The following PTPRT variants were observed in gnomAD, a reference collection of about 807,000 sequenced individuals.
The protein encoded by PTPRT is protein tyrosine phosphatase receptor type T.
Under a neutral mutation model 176.8 loss-of-function variants are expected in PTPRT, and 56 were observed. The observed-to-expected ratio is 0.32, with a 90% CI of 0.26 to 0.40. The LOEUF (loss-of-function observed/expected upper bound fraction) is 0.40, where lower values mean the gene tolerates loss of function less well. Ranked by LOEUF, PTPRT falls within the 10% of genes least tolerant of loss-of-function variation. The pLI is 1.00. For missense variants in PTPRT, 1,540 were observed against 1,908.2 expected (o/e 0.81, Z 3.60); for synonymous variants, 783 against 739.0 (o/e 1.06, Z -0.96).
At chr20:42,936,470 A>C (rs1000344064) in intron 1 of PTPRT, among the ~76,000 whole-genome samples, 14 of 152,338 alleles carry the variant, frequency 9.2e-5, no homozygotes, top group African/African-American at 3.4e-4. Flanking sequence ...AGCATTTGTA[A>C]GGACTTTGTT....
chr20:42,687,572 T>C (rs1023049965), intron 6 of PTPRT: 1 of 152,186 alleles, frequency 6.6e-6, no homozygotes, highest in African/African-American at 2.4e-5. Flanking sequence ...TCAGAAAGCA[T>C]GAATCAAGAG....
At chr20:42,502,405 A>AC (rs1434269808) in intron 7 of PTPRT, among the ~76,000 whole-genome samples, 7 of 137,326 alleles carry the variant, frequency 5.1e-5, no homozygotes, top group East Asian at 2.2e-4. Context: ...TATGTATACA[A>AC]ACACACACAC....
At chr20:42,510,143 G>C (rs2071927498) in intron 7 of PTPRT, among the ~76,000 whole-genome samples, 1 of 152,148 alleles carries the variant, frequency 6.6e-6, no homozygotes, top group African/African-American at 2.4e-5. Flanking sequence ...TGAAGCCCAA[G>C]AGACAAGGAC....
intron 1 of PTPRT, among the ~76,000 whole-genome samples, chr20:42,997,823 G>C (rs888626773): frequency 3.3e-5 from 5 of 152,134 alleles, no homozygotes; most frequent in African/African-American, 4.8e-5. Context: ...TCATGACCAG[G>C]ATTCAATCCG....
In PTPRT at chr20:42,388,807, T is replaced by C. The variant is rs563167923; in HGVS notation, c.1561-36522A>G. Among the ~76,000 whole-genome samples, 20 of 152,306 alleles carry C rather than the reference T, an allele frequency of 1.3e-4. No homozygotes were observed. The South Asian group carries it at 3.5e-3, about 27-fold the overall frequency. Reference sequence around the variant, plus strand: ...CCCAAAGGATTATAAATCATGCTGCTATAAAGACGCATGCACACATATGTT... The same window carrying C: ...CCCAAAGGATTATAAATCATGCTGCCATAAAGACGCATGCACACATATGTT... On this transcript the variant is annotated intron_variant, in intron 9 of 30. Transcript: ENST00000373187.
intron 1 of PTPRT, among the ~76,000 whole-genome samples, chr20:42,910,958 G>C (rs1042947840): frequency 6.6e-6 from 1 of 152,220 alleles, no homozygotes; most frequent in South Asian, 2.1e-4. Context: ...AAGGAGAAGT[G>C]CCGAGCAATG....
intron 1 of PTPRT, among the ~76,000 whole-genome samples, chr20:43,031,101 A>T (rs1052650969): frequency 6.6e-6 from 1 of 152,204 alleles, no homozygotes; most frequent in Non-Finnish European, 1.5e-5. Flanking sequence ...CTGAGGCAAG[A>T]GTATCAGACC....
At chr20:42,376,906 A>G (rs1385893774) in intron 9 of PTPRT, among the ~76,000 whole-genome samples, 3 of 152,122 alleles carry the variant, frequency 2.0e-5, no homozygotes, top group Admixed American at 6.5e-5. Context: ...GCTTCACAAA[A>G]CTGTGGGATG....
At chr20:42,245,927 G>T (rs1292316478) in intron 14 of PTPRT, among the ~76,000 whole-genome samples, 1 of 152,192 alleles carries the variant, frequency 6.6e-6, no homozygotes, top group African/African-American at 2.4e-5. Flanking sequence ...CCAGTGGAGG[G>T]GTTGTAGCAG....
chr20:42,577,053 G>T (rs1245763089), intron 7 of PTPRT, among the ~76,000 whole-genome samples: 1 of 152,096 alleles, frequency 6.6e-6, no homozygotes, highest in African/African-American at 2.4e-5. Flanking sequence ...GAAAGTTCAG[G>T]TCAAGCAGTA....
At chr20:42,503,114 T>G (rs2071782107) in intron 7 of PTPRT, among the ~76,000 whole-genome samples, 1 of 152,038 alleles carries the variant, frequency 6.6e-6, no homozygotes, top group Admixed American at 6.6e-5. Flanking sequence ...TTGGTGTGTT[T>G]TTTTATGCCT....
intron 7 of PTPRT, among the ~76,000 whole-genome samples, chr20:42,545,160 G>A (rs1387045229): frequency 1.3e-5 from 2 of 152,308 alleles, no homozygotes; most frequent in East Asian, 1.9e-4. Flanking sequence ...GCCCCGTTAA[G>A]GTCATACCCT....
intron 6 of PTPRT, among the ~76,000 whole-genome samples, chr20:42,704,438 A>G (rs1045813271): frequency 6.6e-6 from 1 of 152,060 alleles, no homozygotes; most frequent in African/African-American, 2.4e-5. Context: ...ATCCAAAAAA[A>G]AAAAAAAAGT....
chr20:42,925,877 T>G (rs1979450364), intron 1 of PTPRT, among the ~76,000 whole-genome samples: 1 of 152,352 alleles, frequency 6.6e-6, no homozygotes, highest in South Asian at 2.1e-4. Context: ...AGCTGTCAAC[T>G]GCACATGAGT....
chr20:42,580,673 A>G (rs2073354644), intron 7 of PTPRT, among the ~76,000 whole-genome samples: 1 of 152,138 alleles, frequency 6.6e-6, no homozygotes. Flanking sequence ...GCAATTGTGA[A>G]TGGGAATTCA....
chr20:43,097,741 A>G (rs983091232), intron 1 of PTPRT, among the ~76,000 whole-genome samples: 1 of 152,186 alleles, frequency 6.6e-6, no homozygotes, highest in African/African-American at 2.4e-5. Flanking sequence ...TTCTTGGAAG[A>G]GGGAGACACC....
At chr20:42,107,308 A>T (rs1227092054) in intron 23 of PTPRT, among the ~76,000 whole-genome samples, 9 of 152,178 alleles carry the variant, frequency 5.9e-5, no homozygotes, top group Non-Finnish European at 1.3e-4. Flanking sequence ...GAATGACAGG[A>T]CAGAAACGAG....
intron 9 of PTPRT, among the ~76,000 whole-genome samples, chr20:42,403,186 T>C (rs1302489165): frequency 2.6e-5 from 4 of 152,222 alleles, no homozygotes; most frequent in Non-Finnish European, 5.9e-5. Flanking sequence ...TTGCATATAT[T>C]GCTTATATTA....
At chr20:42,833,808 T>C (rs185450326) in intron 2 of PTPRT, among the ~76,000 whole-genome samples, 1 of 152,212 alleles carries the variant, frequency 6.6e-6, no homozygotes, top group Admixed American at 6.5e-5. Flanking sequence ...AATTAGACAT[T>C]CACACGGAGC....
Sources: allele counts gnomAD v4.1 joint callset (sites outside exome capture counted in the v4.1 genomes callset), GRCh38; gene constraint gnomAD v4.1.1; transcripts MANE v1.5; gene names NCBI Gene and HGNC (gene_info 2026-07-23, HGNC 2026-07-21).